The following SPAG16 variants were observed in gnomAD, a reference collection of about 807,000 sequenced individuals.
SPAG16 encodes sperm associated antigen 16.
Under a neutral mutation model 80.4 loss-of-function variants are expected in SPAG16, and 86 were observed. The observed-to-expected ratio is 1.07, with a 90% confidence interval of 0.90 to 1.28. The LOEUF is 1.28. SPAG16 is among the 50% of genes most tolerant of loss of function. The pLI, the probability that SPAG16 is intolerant of heterozygous loss-of-function variation, is 0.00. For missense variants in SPAG16, 870 were observed against 765.3 expected (o/e 1.14, Z -1.61); for synonymous variants, 294 against 265.9 (o/e 1.11, Z -1.03).
intron 12 of SPAG16, among the ~76,000 whole-genome samples, chr2:213,930,552 T>C (rs2078705359): frequency 6.6e-6 from 1 of 152,208 alleles, no homozygotes; most frequent in Non-Finnish European, 1.5e-5. Flanking sequence ...GAAATAATTA[T>C]TTTCTTTATG....
At chr2:214,027,615 C>G (rs1309580047) in intron 13 of SPAG16, among the ~76,000 whole-genome samples, 3 of 151,932 alleles carry the variant, frequency 2.0e-5, no homozygotes, top group Non-Finnish European at 4.4e-5. Flanking sequence ...AGCAATCCAT[C>G]TGTGTCCACT....
chr2:214,131,763 G>T (rs568037900), intron 14 of SPAG16, among the ~76,000 whole-genome samples: 2 of 152,266 alleles, frequency 1.3e-5, no homozygotes, highest in South Asian at 4.1e-4. Context: ...AGGCAAAACT[G>T]TAGAAACAGT....
At chr2:214,380,049 T>C (rs1327091490) in intron 15 of SPAG16, among the ~76,000 whole-genome samples, 3 of 152,204 alleles carry the variant, frequency 2.0e-5, no homozygotes, top group Non-Finnish European at 2.9e-5. Context: ...CCAGACATAG[T>C]GCCTGACCCC....
intron 11 of SPAG16, among the ~76,000 whole-genome samples, chr2:213,912,427 TAAAC>T (rs568855177): frequency 3.4e-4 from 51 of 152,154 alleles, no homozygotes; most frequent in Non-Finnish European, 5.7e-4. Context: ...TAATAAAAAT[TAAAC>T]AAATAGCTGA....
At chr2:213,705,786 TTTGTTGTTG>T (rs10525863) in intron 10 of SPAG16, among the ~76,000 whole-genome samples, 2 of 127,876 alleles carry the variant, frequency 1.6e-5, no homozygotes, top group Middle Eastern at 4.5e-3. Flanking sequence ...TGGTGGAGGG[TTTGTTGTTG>T]TTGTTGTTGT....
At chr2:213,453,298 T>C (rs2071811284) in intron 9 of SPAG16, among the ~76,000 whole-genome samples, 1 of 152,236 alleles carries the variant, frequency 6.6e-6, no homozygotes, top group East Asian at 1.9e-4. Context: ...GATAAATAAT[T>C]TTCAAGTCAA....
chr2:214,353,393 G>A (rs1224089199), intron 15 of SPAG16, among the ~76,000 whole-genome samples: 1 of 151,972 alleles, frequency 6.6e-6, no homozygotes, highest in Non-Finnish European at 1.5e-5. Context: ...GATAATCAAG[G>A]CTAAAAAAAG....
At chr2:213,370,699 A>G (rs73077046) in intron 8 of SPAG16, among the ~76,000 whole-genome samples, 9,326 of 152,248 alleles carry the variant, frequency 0.061, 978 homozygotes, top group African/African-American at 0.21. Context: ...TGACATATCA[A>G]TTAAAATAAA....
At chr2:213,884,251 T>A (rs971429426) in intron 11 of SPAG16, among the ~76,000 whole-genome samples, 3 of 152,184 alleles carry the variant, frequency 2.0e-5, no homozygotes, top group Non-Finnish European at 2.9e-5. Context: ...ATTTTATTTC[T>A]CCTTCCCTTA....
intron 5 of SPAG16, among the ~76,000 whole-genome samples, chr2:213,329,893 T>G (rs1401007893): frequency 6.6e-6 from 1 of 152,210 alleles, no homozygotes; most frequent in Non-Finnish European, 1.5e-5. Context: ...GCATCTCAGC[T>G]ACTCCAGCCA....
intron 12 of SPAG16, among the ~76,000 whole-genome samples, chr2:214,002,580 T>C (rs1342509048): frequency 6.6e-6 from 1 of 152,132 alleles, no homozygotes; most frequent in Non-Finnish European, 1.5e-5. Flanking sequence ...CACGATGTGC[T>C]GTCTGCAAGC....
chr2:213,349,392 G>A (rs534476115), intron 6 of SPAG16, among the ~76,000 whole-genome samples: 3 of 152,092 alleles, frequency 2.0e-5, no homozygotes, highest in Non-Finnish European at 4.4e-5. Flanking sequence ...AATGGAAAAT[G>A]TAATAAAACT....
intron 10 of SPAG16, among the ~76,000 whole-genome samples, chr2:213,836,176 G>GCGC (rs796095482): frequency 1.6e-5 from 2 of 128,410 alleles, no homozygotes; most frequent in African/African-American, 5.9e-5. Flanking sequence ...TTCATTATTC[G>GCGC]CCCCCCCCCC....
At chr2:213,293,339 G>A (rs188172570) in intron 1 of SPAG16, among the ~76,000 whole-genome samples, 98 of 152,320 alleles carry the variant, frequency 6.4e-4, no homozygotes, top group African/African-American at 2.3e-3. Flanking sequence ...TACGCATCCA[G>A]TGAGCCCCAC....
chr2:213,932,189 TATATATATA>T (rs1559602647), intron 12 of SPAG16, among the ~76,000 whole-genome samples: 55 of 25,454 alleles, frequency 2.2e-3, no homozygotes, highest in Admixed American at 5.0e-3. Flanking sequence ...TATATATATA[TATATATATA>T]TTTGTTGTTG....
chr2:213,799,622 A>G (rs1192578225), intron 10 of SPAG16, among the ~76,000 whole-genome samples: 1 of 152,146 alleles, frequency 6.6e-6, no homozygotes, highest in Non-Finnish European at 1.5e-5. Context: ...AACACAATAC[A>G]ATGTGCCTTC....
intron 10 of SPAG16, among the ~76,000 whole-genome samples, chr2:213,561,464 G>T (rs1033870206): frequency 2.6e-5 from 4 of 152,130 alleles, no homozygotes; most frequent in African/African-American, 9.6e-5. Flanking sequence ...TGCTTGAGTG[G>T]ATAGATATTC....
chr2:213,488,303 C>A (rs2074082551), intron 9 of SPAG16, among the ~76,000 whole-genome samples: 1 of 152,074 alleles, frequency 6.6e-6, no homozygotes. Flanking sequence ...GCACACAGTA[C>A]TACATGACTG....
chr2:213,573,134 G>C (rs898134600), intron 10 of SPAG16, among the ~76,000 whole-genome samples: 3 of 152,258 alleles, frequency 2.0e-5, no homozygotes, highest in African/African-American at 4.8e-5. Context: ...TGCGCCCACT[G>C]TCTGGCACTC....
Sources: allele counts gnomAD v4.1 joint callset (sites outside exome capture counted in the v4.1 genomes callset), GRCh38; gene constraint gnomAD v4.1.1; transcripts MANE v1.5; gene names NCBI Gene and HGNC (gene_info 2026-07-23, HGNC 2026-07-21).